The following CFAP61 variants were observed in gnomAD, a reference collection of about 807,000 sequenced individuals.
The protein encoded by CFAP61 is cilia- and flagella-associated protein 61.
In CFAP61, 107 loss-of-function variants were observed where a neutral mutation model predicts 135.6. The observed-to-expected ratio is 0.79, with a 90% confidence interval of 0.67 to 0.93. CFAP61 has a LOEUF of 0.93. CFAP61 is among the 40% of genes least tolerant of loss of function. The probability of loss-of-function intolerance (pLI) is 0.00; values close to 1 mark genes in which losing one functional copy is unlikely to be tolerated. For synonymous variants in CFAP61, 575 were observed against 578.5 expected (o/e 0.99, Z 0.09); for missense variants, 1,507 against 1,556.2 (o/e 0.97, Z 0.53).
intron 12 of CFAP61, among the ~76,000 whole-genome samples, chr20:20,167,225 A>G (rs2053905144): frequency 6.6e-6 from 1 of 152,188 alleles, no homozygotes; most frequent in Non-Finnish European, 1.5e-5. Context: ...GTATAGTTTA[A>G]TTATTTTGTC....
chr20:20,309,995 T>A (rs2056726304), intron 25 of CFAP61, among the ~76,000 whole-genome samples: 1 of 151,988 alleles, frequency 6.6e-6, no homozygotes, highest in Non-Finnish European at 1.5e-5. Context: ...ATTAACTTTG[T>A]TTTTGTTTTT....
chr20:20,356,621 G>A lies in CFAP61; in HGVS notation c.3514-3589G>A, dbSNP rs1316867215. On this transcript the variant is annotated intron_variant, in intron 26 of 26. Coordinates refer to ENST00000245957, the MANE Select transcript of CFAP61 (RefSeq NM_015585.4). ...AGGTGGTCACACTGTGAGGGGAGGT[G>A]GTCACACTGAGAGGAGGTGGTCACA... Among the ~76,000 whole-genome samples the A allele has an allele frequency of 3.1e-4, 11 of 35,080 alleles. 1 individual carries two copies. The highest frequency in any genetic ancestry group is 1.0e-3 in the African/African-American group (10 of 9,654). The allele number at this position is 35,080 out of a possible 152,430, so 23.0% of individuals were successfully genotyped here.
intron 11 of CFAP61, 60 bp downstream of exon 11, chr20:20,164,288 C>G: frequency 6.6e-7 from 1 of 1,510,154 alleles, no homozygotes; most frequent in Non-Finnish European, 9.0e-7. Context: ...ATTGGTGGCC[C>G]AACATTTTAA....
intron 8 of CFAP61, among the ~76,000 whole-genome samples, chr20:20,132,734 T>G (rs1019260535): frequency 6.6e-6 from 1 of 152,136 alleles, no homozygotes; most frequent in Non-Finnish European, 1.5e-5. Flanking sequence ...GAAATTTTGA[T>G]CAGTTATGAA....
At chr20:20,118,568 T>C (rs563231319) in intron 8 of CFAP61, among the ~76,000 whole-genome samples, 14 of 152,224 alleles carry the variant, frequency 9.2e-5, no homozygotes, top group African/African-American at 2.4e-4. Flanking sequence ...CTCGAACTCC[T>C]GACCTCAGGT....
At chr20:20,181,205 GTATATATACATATGTGTATATATA>G (rs2055056487) in intron 13 of CFAP61, among the ~76,000 whole-genome samples, 1 of 132,660 alleles carries the variant, frequency 7.5e-6, no homozygotes, top group South Asian at 2.5e-4. Flanking sequence ...GTATATATAT[GTATATATACATATGTGTATATATA>G]TAACTTTTAT....
At chr20:20,337,354 GTGGATGGA>G (rs1299070093) in intron 25 of CFAP61, among the ~76,000 whole-genome samples, 20 of 5,066 alleles carry the variant, frequency 3.9e-3, no homozygotes, top group African/African-American at 7.1e-3. Flanking sequence ...GGGTGGGTGG[GTGGATGGA>G]TGGATGGATG....
chr20:20,070,738 T>G, intron 2 of CFAP61, 116 bp from the exon 3 acceptor site: 1 of 852,234 alleles, frequency 1.2e-6, no homozygotes, highest in East Asian at 2.6e-5. Flanking sequence ...TTCCAAAGAT[T>G]ATCTGACCTC....
chr20:20,352,142 A>G (rs1253111504), intron 26 of CFAP61, among the ~76,000 whole-genome samples: 1 of 152,170 alleles, frequency 6.6e-6, no homozygotes, highest in Non-Finnish European at 1.5e-5. Context: ...GAAACTTACA[A>G]TCATGGTGGA....
intron 8 of CFAP61, among the ~76,000 whole-genome samples, chr20:20,140,920 C>CT (rs66785203): frequency 2.4e-3 from 340 of 143,226 alleles, no homozygotes; most frequent in African/African-American, 2.7e-3. Context: ...TTTTTTTTTC[C>CT]TTTTTTTTTT....
At chr20:20,257,686 G>A (rs562261369) in intron 20 of CFAP61, among the ~76,000 whole-genome samples, 14 of 150,330 alleles carry the variant, frequency 9.3e-5, no homozygotes, top group African/African-American at 2.9e-4. Context: ...AGTACAAAAG[G>A]ACAGGTGGCA....
At chr20:20,235,898 C>T (rs1034260945) in intron 18 of CFAP61, among the ~76,000 whole-genome samples, 1 of 152,080 alleles carries the variant, frequency 6.6e-6, no homozygotes, top group Non-Finnish European at 1.5e-5. Flanking sequence ...GTGTGAGACC[C>T]AGAGCAGGCA....
At chr20:20,082,328 C>CA (rs1276478535) in intron 6 of CFAP61, among the ~76,000 whole-genome samples, 2 of 152,234 alleles carry the variant, frequency 1.3e-5, no homozygotes, top group Non-Finnish European at 2.9e-5. Context: ...AATGAATTAA[C>CA]ACTGTAATCC....
At chr20:20,141,422 G>A (rs1036131861) in intron 8 of CFAP61, among the ~76,000 whole-genome samples, 7 of 152,060 alleles carry the variant, frequency 4.6e-5, no homozygotes, top group Admixed American at 1.3e-4. Flanking sequence ...AGGACATATC[G>A]GGAGCTAGAG....
intron 21 of CFAP61, among the ~76,000 whole-genome samples, chr20:20,264,736 A>ACAAAAATT (rs1296533897): frequency 7.9e-5 from 12 of 152,252 alleles, no homozygotes; most frequent in African/African-American, 2.9e-4. Context: ...TACAAAAAAT[A>ACAAAAATT]CAAAAATTAG....
intron 22 of CFAP61, among the ~76,000 whole-genome samples, chr20:20,284,783 A>G (rs1006967445): frequency 6.6e-6 from 1 of 152,214 alleles, no homozygotes; most frequent in African/African-American, 2.4e-5. Context: ...TCTTACATCT[A>G]CAAACACTGC....
chr20:20,358,185 G>A (rs569282100), intron 26 of CFAP61, among the ~76,000 whole-genome samples: 1 of 136,050 alleles, frequency 7.4e-6, no homozygotes, highest in Admixed American at 7.4e-5. Flanking sequence ...AGGGGAAGTG[G>A]TCACACTGAG....
chr20:20,196,911 T>C, intron 16 of CFAP61, 135 bp downstream of exon 16: 1 of 763,524 alleles, frequency 1.3e-6, no homozygotes, highest in Non-Finnish European at 2.2e-6. Context: ...AATGGCCATA[T>C]TTAGTTTGGC....
At chr20:20,283,014 A>G (rs113791851) in intron 22 of CFAP61, among the ~76,000 whole-genome samples, 120 of 152,274 alleles carry the variant, frequency 7.9e-4, no homozygotes, top group African/African-American at 2.8e-3. Context: ...CATATAAGGA[A>G]TATGTATTAC....
Sources: gnomAD v4.1 joint callset for allele counts (sites outside exome capture counted in the v4.1 genomes callset) on GRCh38, gnomAD v4.1.1 for gene constraint, MANE v1.5 for transcripts, NCBI Gene and HGNC (gene_info 2026-07-23, HGNC 2026-07-21) for gene names.